Variants in SYNE2 observed in about 807,000 individuals in gnomAD.
The protein encoded by SYNE2 is spectrin repeat containing nuclear envelope protein 2, also known as nesprin-2.
Under a neutral mutation model 856.3 loss-of-function variants are expected in SYNE2, and 431 were observed. That is an observed-to-expected ratio of 0.50 (90% CI 0.47 to 0.55). The LOEUF is 0.55. Among genes scored for constraint, SYNE2 ranks in the 20% least tolerant of loss-of-function variants. The pLI is 0.00. For synonymous variants in SYNE2, 2,923 were observed against 2,872.3 expected, an observed-to-expected ratio of 1.02 and a Z score of -0.56; for missense variants, 8,129 against 8,023.2, an observed-to-expected ratio of 1.01 and a Z score of -0.50.
chr14:63,785,590 G>T (rs976566476), intron 1 of SYNE2, among the ~76,000 whole-genome samples: 2 of 152,126 alleles, frequency 1.3e-5, no homozygotes, highest in Non-Finnish European at 2.9e-5. Context: ...CTGCTTCTAG[G>T]GATGAATTGC....
At chr14:64,180,438 G>C (rs1044544658) in intron 96 of SYNE2, among the ~76,000 whole-genome samples, 1 of 151,610 alleles carries the variant, frequency 6.6e-6, no homozygotes, top group Non-Finnish European at 1.5e-5. Flanking sequence ...TCCTGCTCAT[G>C]CTCATGACTG....
chr14:64,190,653 A>G (rs1259855008), intron 99 of SYNE2: 3 of 701,090 alleles, frequency 4.3e-6, no homozygotes, highest in Admixed American at 2.0e-5. Context: ...CTGGGGGCCC[A>G]TGACTGCCCC....
At chr14:63,844,009 C>T (rs1292528610) in intron 1 of SYNE2, among the ~76,000 whole-genome samples, 3 of 152,174 alleles carry the variant, frequency 2.0e-5, no homozygotes, top group Non-Finnish European at 4.4e-5. Flanking sequence ...GTTTACAATC[C>T]ATGAAACTAC....
chr14:63,875,044 A>AT lies in SYNE2; in HGVS notation c.-52+21913dup, dbSNP rs34978076. 4.1e-3 allele frequency among the ~76,000 whole-genome samples: 605 copies of AT among 146,906 alleles called. 3 individuals are homozygous for AT. The highest frequency in any genetic ancestry group is 0.01 in the Admixed American group (149 of 14,630). On this transcript the variant is annotated intron_variant, in intron 1 of 115. Coordinates refer to ENST00000555002, the MANE Select transcript of SYNE2 (RefSeq NM_182914.3). ...ATGGATAAAAAAATTCAAACCTCTG[A>AT]TTTTTTTTTTTTAAATGGGGTGTTG...
In SYNE2 at chr14:64,022,021, A is replaced by T. The variant is rs35883188; in HGVS notation, c.5517A>T (p.Leu1839Phe). Residue 1839 changes from leucine (L) to phenylalanine (F), a missense_variant, in exon 37 of 116, where the codon TTA (leucine) becomes TTT (phenylalanine). This residue lies in a region of SYNE2 where 2,422 missense variants were observed against 2,357.4 expected (regional missense o/e 1.03). Transcript: ENST00000555002. ...KSVLQDHFSKLLNDQCKNFND... is the reference protein window; with the variant it reads ...KSVLQDHFSKFLNDQCKNFND... ...TTTTGCAAGATCACTTTTCTAAGTT[A>T]TTGAATGGTGAGTGCAACATTTCTC... 1.1e-3 allele frequency: 1,789 copies of T among 1,613,602 alleles called. 21 individuals carry two copies. In the African/African-American group the frequency reaches 0.022, roughly 20 times the overall value.
At chr14:64,215,232 G>C in intron 106 of SYNE2, 54 bp from the exon 107 acceptor site, 1 of 1,438,436 alleles carries the variant, frequency 7.0e-7, no homozygotes, top group Non-Finnish European at 9.8e-7. Context: ...GTTAATACTT[G>C]GGCATTAATC....
chr14:63,853,337 G>A (rs1374126652), intron 1 of SYNE2, among the ~76,000 whole-genome samples, 194 bp downstream of exon 1: 1 of 151,918 alleles, frequency 6.6e-6, no homozygotes, highest in Non-Finnish European at 1.5e-5. Flanking sequence ...AGAGCGGGGT[G>A]CGCGGAGGGC....
At position 64,014,962 on chromosome 14, in the gene SYNE2, T is replaced by C. The variant is rs1404143875; in HGVS notation, c.4729-1511T>C. 5.6e-3 allele frequency among the ~76,000 whole-genome samples: 252 copies of C among 45,288 alleles called. 2 individuals are homozygous for C. The highest frequency in any genetic ancestry group is 0.021 in the African/African-American group (242 of 11,786). The allele number at this position is 45,288 out of a possible 152,430, so 29.7% of individuals were successfully genotyped here. A position where few individuals can be genotyped will look rare whatever the true frequency, so the allele number is the denominator to read the frequency against. The stretch of plus-strand genomic sequence containing the variant: ...ATATATATATATATATATATATATA[T>C]ATATATATATATACACACACACACA... On this transcript the variant is annotated intron_variant, in intron 32 of 115. Coordinates refer to ENST00000555002, the MANE Select transcript of SYNE2 (RefSeq NM_182914.3).
chr14:64,195,009 A>G (rs1159232806), intron 99 of SYNE2, among the ~76,000 whole-genome samples: 2 of 152,150 alleles, frequency 1.3e-5, no homozygotes, highest in Non-Finnish European at 2.9e-5. Flanking sequence ...TGCTTGTCCT[A>G]TGAACCAGAG....
intron 100 of SYNE2, among the ~76,000 whole-genome samples, chr14:64,208,408 T>C (rs763710234): frequency 1.2e-4 from 18 of 152,196 alleles, no homozygotes; most frequent in Non-Finnish European, 8.8e-5. Context: ...TTGGGTGGTA[T>C]GGAGTAGATC....
intron 17 of SYNE2, among the ~76,000 whole-genome samples, chr14:63,983,505 T>G (rs144806801): frequency 1.3e-5 from 2 of 152,362 alleles, no homozygotes; most frequent in Non-Finnish European, 2.9e-5. Flanking sequence ...TATGTATCTT[T>G]ATATGTAGCA....
In SYNE2 at chr14:64,218,457, T is replaced by C; in HGVS notation, c.19602T>C (p.Asn6534=). 1 of 1,614,108 alleles carries C rather than the reference T, an allele frequency of 6.2e-7. No homozygotes were observed. Among genetic ancestry groups the C allele is most frequent in the African/African-American group, 1.3e-5 (1 of 75,038 alleles). Residue 6534 remains asparagine, a synonymous_variant, in exon 109 of 116, where the codon AAT becomes AAC. Transcript: ENST00000555002. ...DGGKEGPRVL[N]GNPQQEDGGL... ...GCAAAGAAGGCCCGCGAGTCCTGAA[T>C]GGCAACCCACAGCAGGAAGACGGGG...
chr14:64,194,150 T>C (rs2098530415), intron 99 of SYNE2, among the ~76,000 whole-genome samples: 1 of 152,222 alleles, frequency 6.6e-6, no homozygotes, highest in Admixed American at 6.5e-5. Context: ...TAAAGCACTA[T>C]ATATATGTTT....
At chr14:63,862,069 T>C (rs927690476) in intron 1 of SYNE2, among the ~76,000 whole-genome samples, 19 of 152,192 alleles carry the variant, frequency 1.2e-4, no homozygotes, top group African/African-American at 4.3e-4. Context: ...ATACATCATA[T>C]CATTTTATCC....
At chr14:63,814,514 ATCC>A (rs1888767239) in intron 1 of SYNE2, among the ~76,000 whole-genome samples, 3 of 134,100 alleles carry the variant, frequency 2.2e-5, no homozygotes, top group Non-Finnish European at 3.1e-5. Flanking sequence ...TAATATATAT[ATCC>A]ATTATATATA....
chr14:64,194,435 A>G (rs1270581523), intron 99 of SYNE2, among the ~76,000 whole-genome samples: 1 of 151,960 alleles, frequency 6.6e-6, no homozygotes, highest in Non-Finnish European at 1.5e-5. Context: ...TGGGACTACA[A>G]GCACACACCA....
In SYNE2 at chr14:64,052,234, G is replaced by A. The variant is rs1376047453; in HGVS notation, c.8321G>A (p.Gly2774Asp). The A allele has an allele frequency of 1.9e-6, 3 of 1,614,124 alleles. No individual in the cohort carries two copies. Among genetic ancestry groups the A allele is most frequent in the Non-Finnish European group, 2.5e-6 (3 of 1,180,032 alleles). The change falls in exon 48 of 116, where the codon GGC (glycine) becomes GAC (aspartate). Residue 2774 changes from glycine (G) to aspartate (D), a missense_variant. By Grantham distance (94) the Gly-to-Asp change is moderately conservative. Transcript: ENST00000555002. ...QIRKCKVTHD[G>D]ILARQQSVES... Reference sequence around the variant, plus strand: ...AGAAAGTGCAAAGTGACACATGATGGCATTCTAGCTAGGCAGCAGTCTGTG... The same window carrying A: ...AGAAAGTGCAAAGTGACACATGATGACATTCTAGCTAGGCAGCAGTCTGTG...
At position 64,125,180 on chromosome 14, in the gene SYNE2, G is replaced by C. The variant is rs373702093; in HGVS notation, c.13524G>C (p.Leu4508=). ...CCTATACCACCCAACTTGAAGACCT[G>C]CGCCAAGAAGCAAGTAACCTTCAGA... The part of the protein sequence containing the change: ...LKTYTTQLED[L]RQEASNLQTQ... The change falls in exon 71 of 116, where the codon CTG becomes CTC. Residue 4508 remains leucine, a synonymous_variant. Transcript: ENST00000555002. 16 of 1,613,972 alleles carry C rather than the reference G, an allele frequency of 9.9e-6. No homozygotes were observed. The African/African-American group carries it at 1.9e-4, about 19-fold the overall frequency.
chr14:64,188,981 A>T lies in SYNE2; in HGVS notation c.17871+273A>T, dbSNP rs903038563. 3 of 702,338 alleles carry T rather than the reference A, an allele frequency of 4.3e-6. No homozygotes were observed. The African/African-American group carries it at 5.2e-5, about 12-fold the overall frequency. The allele number at this position is 702,338 out of a possible 1,614,324, so 43.5% of individuals were successfully genotyped here. A position where few individuals can be genotyped will look rare whatever the true frequency, so the allele number is the denominator to read the frequency against. ...AAGTTTCACCAGGGAAGGGGCTTACATATCCTTACATGTCAGCTGATACCC... is the reference window on the plus strand; with the variant it reads ...AAGTTTCACCAGGGAAGGGGCTTACTTATCCTTACATGTCAGCTGATACCC... On this transcript the variant is annotated intron_variant, in intron 98 of 115. Coordinates refer to ENST00000555002, the MANE Select transcript of SYNE2 (RefSeq NM_182914.3).
Sources: gnomAD v4.1 joint callset for allele counts (sites outside exome capture counted in the v4.1 genomes callset) on GRCh38, gnomAD v4.1.1 for gene constraint, gnomAD v4.1.1 regional missense constraint, MANE v1.5 for transcripts, NCBI Gene and HGNC (gene_info 2026-07-23, HGNC 2026-07-21) for gene names.